Variants in RECQL5 observed in about 807,000 individuals in gnomAD.
The protein encoded by RECQL5 is RecQ like helicase 5.
A neutral mutation model predicts 103.4 loss-of-function variants in RECQL5; 88 were observed. The ratio of observed to expected loss-of-function variants is 0.85; its 90% CI spans 0.72 to 1.02. RECQL5 has a LOEUF of 1.02. RECQL5 is among the 50% of genes least tolerant of loss of function. The pLI is 0.00. For synonymous variants in RECQL5, 552 were observed against 507.9 expected (o/e 1.09, Z -1.17); for missense variants, 1,232 against 1,284.3 (o/e 0.96, Z 0.62).
chr17:75,653,404 C>T (rs1481723059), intron 7 of RECQL5, among the ~76,000 whole-genome samples: 6 of 152,128 alleles, frequency 3.9e-5, no homozygotes, highest in African/African-American at 7.2e-5. Flanking sequence ...TCTTAGTGAC[C>T]GAAGCTCTGG....
intron 14 of RECQL5, 126 bp from the exon 15 acceptor site, chr17:75,629,968 C>G (rs1285801835): frequency 7.5e-7 from 1 of 1,338,566 alleles, no homozygotes; most frequent in East Asian, 2.5e-5. Flanking sequence ...GGCAACTGAC[C>G]ACTGGGCAAG....
Position 75,629,263 on chromosome 17 carries a change from G to T in RECQL5, c.2160C>A (p.Ser720Arg). 6.2e-7 allele frequency: 1 copy of T among 1,609,036 alleles called. No homozygotes were observed. The highest frequency in any genetic ancestry group is 1.1e-5 in the South Asian group (1 of 90,770). ...PGPRGEVPGG[S>R]AHYGGPSPEK... is the part of the protein sequence containing the mutation. ...CAGGGGAGGGCCCCCCATAGTGAGCGCTGCCTCCAGGGACCTCCCCTCTGG... is the reference window on the plus strand; with the variant it reads ...CAGGGGAGGGCCCCCCATAGTGAGCTCTGCCTCCAGGGACCTCCCCTCTGG... The change falls in exon 16 of 20, where the codon AGC becomes AGA. Residue 720 changes from serine to arginine, a missense_variant. By Grantham distance (110) the Ser-to-Arg change is moderately radical. Coordinates refer to ENST00000317905, the MANE Select transcript of RECQL5 (RefSeq NM_004259.7).
In RECQL5 at chr17:75,629,114, C is replaced by T. The variant is rs202116343; in HGVS notation, c.2309G>A (p.Arg770Gln). Reference protein sequence around the residue: ...DSQSIARFFCRRVESPALLAS... With the variant: ...DSQSIARFFCQRVESPALLAS... ...CAGCAGAGCTGGGCTTTCCACCCTTCGGCAGAAGAAGCGGGCGATGCTCTG... is the reference window on the plus strand; with the variant it reads ...CAGCAGAGCTGGGCTTTCCACCCTTTGGCAGAAGAAGCGGGCGATGCTCTG... Residue 770 changes from arginine to glutamine, a missense_variant, in exon 16 of 20, where the codon CGA (arginine) becomes CAA (glutamine). Transcript: ENST00000317905. 4.3e-5 allele frequency: 69 copies of T among 1,613,734 alleles called. No homozygotes were observed. Among genetic ancestry groups the T allele is most frequent in the African/African-American group, 3.5e-4 (26 of 75,066 alleles).
intron 6 of RECQL5, among the ~76,000 whole-genome samples, chr17:75,659,765 A>G (rs1038771868): frequency 6.6e-5 from 10 of 152,228 alleles, no homozygotes; most frequent in Non-Finnish European, 1.2e-4. Context: ...AAGACCATGT[A>G]TGCAAACATG....
chr17:75,628,767 T>C lies in RECQL5; in HGVS notation c.2490-5A>G. ...TGGTCTCTGGGCGGGCAGGTGCTGG[T>C]AGAGGGAAGAGCAGGCATCACAGCA... On this transcript the variant is annotated splice_polypyrimidine_tract_variant and splice_region_variant and intron_variant, in intron 16 of 19. Coordinates refer to ENST00000317905, the MANE Select transcript of RECQL5 (RefSeq NM_004259.7). 1 of 1,599,706 alleles carries C rather than the reference T, an allele frequency of 6.3e-7. No homozygotes were observed. The highest frequency in any genetic ancestry group is 1.1e-5 in the South Asian group (1 of 89,152).
intron 8 of RECQL5, chr17:75,635,887 A>G: frequency 2.0e-6 from 2 of 985,104 alleles, no homozygotes; most frequent in Non-Finnish European, 2.4e-6. Flanking sequence ...CTCTGCGAGG[A>G]GGAAACAGGG....
Position 75,640,820 on chromosome 17 carries a change from T to C in RECQL5, c.1230-9152A>G. Reference sequence around the variant, plus strand: ...TGTTCTGCTGTTGCTGCTGATAGCCTGCAGCTGCTGCTGCACTCACTGCTG... The same window carrying C: ...TGTTCTGCTGTTGCTGCTGATAGCCCGCAGCTGCTGCTGCACTCACTGCTG... On this transcript the variant is annotated intron_variant, in intron 8 of 19. Coordinates refer to ENST00000317905, the MANE Select transcript of RECQL5 (RefSeq NM_004259.7). This position sits in a 1 kb window ranked among gnomAD's most constrained non-coding sequence, Gnocchi z 4.6. 1.9e-6 allele frequency: 3 copies of C among 1,550,088 alleles called. No homozygotes were observed. The highest frequency in any genetic ancestry group is 1.7e-4 in the Middle Eastern group (1 of 5,990).
intron 6 of RECQL5, among the ~76,000 whole-genome samples, chr17:75,659,989 A>T (rs1023032838): frequency 1.3e-5 from 2 of 152,200 alleles, no homozygotes; most frequent in East Asian, 3.8e-4. Flanking sequence ...CTTGCCTTTG[A>T]CCTTCCACAG....
intron 19 of RECQL5, 30 bp from the exon 20 acceptor site, chr17:75,627,552 G>T: frequency 6.2e-7 from 1 of 1,612,536 alleles, no homozygotes; most frequent in Non-Finnish European, 8.5e-7. Flanking sequence ...GCATGAGGAG[G>T]TGAGCGTTAG....
intron 8 of RECQL5, chr17:75,650,260 A>G: frequency 1.0e-6 from 1 of 997,296 alleles, no homozygotes. Flanking sequence ...CAGAGGCCAA[A>G]TTAGAGACAG....
intron 8 of RECQL5, chr17:75,634,089 G>T: frequency 1.0e-6 from 1 of 985,634 alleles, no homozygotes; most frequent in Non-Finnish European, 1.2e-6. Flanking sequence ...CAGCAGAGGA[G>T]CTGGGCTGAG....
At chr17:75,650,930 TC>T in intron 8 of RECQL5, 1 of 1,445,038 alleles carries the variant, frequency 6.9e-7, no homozygotes, top group Non-Finnish European at 9.0e-7. Context: ...GGGCCAGCCA[TC>T]CCAGAAGAGG....
chr17:75,652,709 T>A (rs1475567334), intron 7 of RECQL5: 3 of 152,474 alleles, frequency 2.0e-5, no homozygotes, highest in Non-Finnish European at 4.4e-5. Flanking sequence ...GCCTGGCTCC[T>A]GAGCGCAGGG....
chr17:75,634,613 C>T (rs960049378), intron 8 of RECQL5, among the ~76,000 whole-genome samples: 3 of 152,148 alleles, frequency 2.0e-5, no homozygotes, highest in South Asian at 2.1e-4. Flanking sequence ...TCGAGGTCAG[C>T]GCAGGGTCTG....
intron 8 of RECQL5, chr17:75,650,391 A>C (rs939379726): frequency 3.0e-5 from 36 of 1,205,934 alleles, no homozygotes; most frequent in Non-Finnish European, 3.7e-5. Flanking sequence ...TTTTTCTTGC[A>C]AAAACCAAGA....
chr17:75,659,554 A>G (rs2059671933), intron 6 of RECQL5, among the ~76,000 whole-genome samples: 1 of 152,084 alleles, frequency 6.6e-6, no homozygotes, highest in Admixed American at 6.5e-5. Flanking sequence ...GAGTCTTGCT[A>G]TGTTGCCCAG....
In RECQL5 at chr17:75,662,549, A is replaced by C; in HGVS notation, c.701T>G (p.Leu234Arg). 6.2e-7 allele frequency: 1 copy of C among 1,614,210 alleles called. No homozygotes were observed. Among genetic ancestry groups the C allele is most frequent in the Non-Finnish European group, 8.5e-7 (1 of 1,180,044 alleles). Residue 234 changes from leucine to arginine, a missense_variant, in exon 4 of 20, where the codon CTG becomes CGG. Transcript: ENST00000317905. ...CAGGTTCCCATAGGGATCAGAAATC[A>C]GTTCCTTGAATTGCACATCATAGAA... is the stretch of plus-strand genomic sequence containing the variant. ...NLFYDVQFKE[L>R]ISDPYGNLKD... is the part of the protein sequence containing the mutation.
chr17:75,628,086 C>T, intron 18 of RECQL5, 132 bp downstream of exon 18: 1 of 780,042 alleles, frequency 1.3e-6, no homozygotes, highest in Non-Finnish European at 2.1e-6. Context: ...GCAAGGCAGG[C>T]CCCAGGGAGG....
intron 18 of RECQL5, 96 bp from the exon 19 acceptor site, chr17:75,627,788 G>A: frequency 9.1e-7 from 1 of 1,093,116 alleles, no homozygotes. Flanking sequence ...GGGAGGCCGA[G>A]GCGGGCGGAT....
Sources: gnomAD v4.1 joint callset for allele counts (sites outside exome capture counted in the v4.1 genomes callset) on GRCh38, gnomAD v4.1.1 for gene constraint, Gnocchi (gnomAD v3.1) non-coding constraint, MANE v1.5 for transcripts, NCBI Gene and HGNC (gene_info 2026-07-23, HGNC 2026-07-21) for gene names.